The following ADCY5 variants were observed in gnomAD, a reference collection of about 807,000 sequenced individuals.
ADCY5 encodes the protein adenylate cyclase 5.
Under a neutral mutation model 119.7 loss-of-function variants are expected in ADCY5, and 30 were observed. The ratio of observed to expected loss-of-function variants is 0.25; its 90% CI spans 0.19 to 0.34. The LOEUF is 0.34. ADCY5 is among the 10% of genes least tolerant of loss of function. ADCY5 has a pLI of 1.00. For missense variants in ADCY5, 1,324 were observed against 1,775.2 expected (o/e 0.75, Z 4.57); for synonymous variants, 753 against 762.2 (o/e 0.99, Z 0.20).
At chr3:123,335,452 G>A (rs1048719541) in intron 3 of ADCY5, among the ~76,000 whole-genome samples, 22 of 152,172 alleles carry the variant, frequency 1.4e-4, no homozygotes, top group African/African-American at 2.7e-4. Context: ...TAACCACCCC[G>A]TCAGGAAATG....
intron 1 of ADCY5, among the ~76,000 whole-genome samples, chr3:123,433,056 C>A (rs938437220): frequency 2.0e-5 from 3 of 152,222 alleles, no homozygotes; most frequent in Non-Finnish European, 4.4e-5. Flanking sequence ...TTGAAAGAGA[C>A]AAGCTCCCTG....
At chr3:123,435,223 C>G (rs754015362) in intron 1 of ADCY5, among the ~76,000 whole-genome samples, 1 of 152,126 alleles carries the variant, frequency 6.6e-6, no homozygotes, top group Non-Finnish European at 1.5e-5. Flanking sequence ...GAGGTCAAGG[C>G]TGCAATGAGC....
rs150205216 is a variant in ADCY5 at position 123,447,784 on chromosome 3, C to T, written c.762G>A (p.Leu254=). Residue 254 remains leucine (L), a synonymous_variant, in exon 1 of 21, where the codon CTG becomes CTA. Transcript: ENST00000462833. ...MLMAVLVLVC[L]VMLAFHAARP... ...GCGCCGCGTGGAAGGCCAACATGAC[C>T]AGGCACACGAGCACCAGCACGGCCA... is the stretch of plus-strand genomic sequence containing the variant. 4 of 1,610,672 alleles carry T rather than the reference C, an allele frequency of 2.5e-6. No individual in the cohort carries two copies. The African/African-American group carries it at 4.0e-5, about 16-fold the overall frequency.
intron 1 of ADCY5, among the ~76,000 whole-genome samples, chr3:123,444,327 A>G (rs1363540522): frequency 6.6e-6 from 1 of 152,194 alleles, no homozygotes; most frequent in African/African-American, 2.4e-5. Flanking sequence ...GGCCTCGAAC[A>G]GGGAGGGAGA....
intron 2 of ADCY5, among the ~76,000 whole-genome samples, chr3:123,349,502 C>T (rs76905429): frequency 0.016 from 2,399 of 152,280 alleles, 64 homozygotes; most frequent in African/African-American, 0.054. Flanking sequence ...CCCTCCCTGA[C>T]GCCTGCACAG....
intron 7 of ADCY5, among the ~76,000 whole-genome samples, chr3:123,326,152 T>G (rs1366923290): frequency 6.6e-6 from 1 of 152,220 alleles, no homozygotes; most frequent in Non-Finnish European, 1.5e-5. Context: ...GAGAGGGCAC[T>G]AGGACACGGC....
At chr3:123,423,395 C>T (rs1483562542) in intron 1 of ADCY5, among the ~76,000 whole-genome samples, 1 of 152,210 alleles carries the variant, frequency 6.6e-6, no homozygotes, top group African/African-American at 2.4e-5. Flanking sequence ...TTCTCTTTTT[C>T]CCGCATCCCC....
chr3:123,392,475 G>T (rs190232122), intron 1 of ADCY5, among the ~76,000 whole-genome samples: 1 of 149,754 alleles, frequency 6.7e-6, no homozygotes, highest in Non-Finnish European at 1.5e-5. Context: ...AGTGATCCAC[G>T]GGGTTATCAT....
intron 1 of ADCY5, among the ~76,000 whole-genome samples, chr3:123,439,916 G>C (rs1945694115): frequency 6.6e-6 from 1 of 152,226 alleles, no homozygotes; most frequent in Admixed American, 6.5e-5. Context: ...GGCAGTGCCA[G>C]GCAACAGCTC....
chr3:123,368,836 T>C (rs548644654), intron 1 of ADCY5, among the ~76,000 whole-genome samples: 2 of 151,610 alleles, frequency 1.3e-5, no homozygotes, highest in African/African-American at 2.4e-5. Flanking sequence ...GGCTAACACA[T>C]AGCAGGCCAC....
intron 20 of ADCY5, 126 bp from the exon 21 acceptor site, chr3:123,284,862 T>TG: frequency 7.6e-7 from 1 of 1,319,804 alleles, no homozygotes. Context: ...GAGGGGCAGC[T>TG]GCCCCACTGA....
intron 2 of ADCY5, among the ~76,000 whole-genome samples, chr3:123,351,471 C>G (rs111689610): frequency 9.3e-4 from 142 of 152,308 alleles, no homozygotes; most frequent in African/African-American, 3.2e-3. Context: ...CAGCATGCGG[C>G]ACTTAGATGA....
chr3:123,292,674 G>C (rs1376685215), intron 17 of ADCY5, among the ~76,000 whole-genome samples: 1 of 152,152 alleles, frequency 6.6e-6, no homozygotes, highest in Non-Finnish European at 1.5e-5. Flanking sequence ...AAGGCTACCT[G>C]TGTCTGGCTC....
intron 1 of ADCY5, among the ~76,000 whole-genome samples, chr3:123,357,894 C>T (rs1943094591): frequency 6.6e-6 from 1 of 152,154 alleles, no homozygotes; most frequent in South Asian, 2.1e-4. Flanking sequence ...ACCTTGGGGA[C>T]AAGGAAGGTA....
chr3:123,391,019 C>G (rs1944387897), intron 1 of ADCY5, among the ~76,000 whole-genome samples: 1 of 152,242 alleles, frequency 6.6e-6, no homozygotes, highest in Non-Finnish European at 1.5e-5. Context: ...GCTGACCCAG[C>G]CTTGGGCAGA....
chr3:123,360,432 G>A (rs909022841), intron 1 of ADCY5, among the ~76,000 whole-genome samples: 5 of 152,164 alleles, frequency 3.3e-5, no homozygotes, highest in African/African-American at 9.7e-5. Context: ...TCCAGCCTCT[G>A]TAAACACCAT....
At chr3:123,302,992 G>A (rs1207593380) in intron 14 of ADCY5, 63 bp downstream of exon 14, 1 of 1,577,046 alleles carries the variant, frequency 6.3e-7, no homozygotes, top group Non-Finnish European at 8.6e-7. Context: ...AGCAGCTGCA[G>A]TGACAGTGGG....
At chr3:123,318,480 C>T (rs763718985) in intron 10 of ADCY5, among the ~76,000 whole-genome samples, 6 of 152,120 alleles carry the variant, frequency 3.9e-5, no homozygotes, top group Admixed American at 6.5e-5. Flanking sequence ...CCCAAGAAGT[C>T]GGAATAAAAC....
intron 11 of ADCY5, among the ~76,000 whole-genome samples, chr3:123,317,054 T>TAC (rs1295927510): frequency 1.3e-5 from 2 of 152,160 alleles, no homozygotes; most frequent in Non-Finnish European, 2.9e-5. Context: ...TGTGTGTATA[T>TAC]GTATAGGTGT....
Sources: gnomAD v4.1 joint callset for allele counts (sites outside exome capture counted in the v4.1 genomes callset) on GRCh38, gnomAD v4.1.1 for gene constraint, MANE v1.5 for transcripts, NCBI Gene and HGNC (gene_info 2026-07-23, HGNC 2026-07-21) for gene names.